The following ASAP2 variants were observed in gnomAD, a reference collection of about 807,000 sequenced individuals.
ASAP2 encodes the protein ArfGAP with SH3 domain, ankyrin repeat and PH domain 2.
In ASAP2, 45 loss-of-function variants were observed where a neutral mutation model predicts 131.4. The observed-to-expected ratio is 0.34, with a 90% confidence interval of 0.27 to 0.44. The LOEUF (loss-of-function observed/expected upper bound fraction) is 0.44. ASAP2 is among the 20% of genes least tolerant of loss of function. ASAP2 has a pLI of 1.00. For synonymous variants in ASAP2, 510 were observed against 503.0 expected, an observed-to-expected ratio of 1.01 and a Z score of -0.19; for missense variants, 1,011 against 1,297.0, an observed-to-expected ratio of 0.78 and a Z score of 3.39.
At chr2:9,313,663 G>T (rs1010392777) in intron 3 of ASAP2, among the ~76,000 whole-genome samples, 7 of 152,194 alleles carry the variant, frequency 4.6e-5, no homozygotes, top group African/African-American at 1.2e-4. Flanking sequence ...AGCCAGGCAG[G>T]GTTCAGGACC....
At chr2:9,251,929 CT>C (rs934904917) in intron 1 of ASAP2, among the ~76,000 whole-genome samples, 4 of 150,892 alleles carry the variant, frequency 2.7e-5, no homozygotes, top group Admixed American at 2.0e-4. Flanking sequence ...TTTTTTTTTT[CT>C]TTCCTTAATT....
At chr2:9,302,468 GC>G (rs763610857) in intron 3 of ASAP2, among the ~76,000 whole-genome samples, 1 of 151,120 alleles carries the variant, frequency 6.6e-6, no homozygotes, top group Non-Finnish European at 1.5e-5. Flanking sequence ...ACCATGCCTG[GC>G]CAACTTTTTT....
At chr2:9,219,255 G>A (rs1662256977) in intron 1 of ASAP2, among the ~76,000 whole-genome samples, 1 of 152,190 alleles carries the variant, frequency 6.6e-6, no homozygotes, top group Non-Finnish European at 1.5e-5. Context: ...ATTGGAAGAT[G>A]TGCTCTCTAG....
In ASAP2 at chr2:9,207,775, C is replaced by A. The variant is rs1439416660; in HGVS notation, c.126+545C>A. The stretch of plus-strand genomic sequence containing the variant: ...GCGGCCTGGCTGCGCTCCACCCGTG[C>A]CCGGAGAAGGAACTGCGGGCAAGGT... On this transcript the variant is annotated intron_variant, in intron 1 of 27. Transcript: ENST00000281419. This position sits in a 1 kb window ranked among gnomAD's most constrained non-coding sequence, Gnocchi z 4.1. Among the ~76,000 whole-genome samples the A allele has an allele frequency of 1.3e-5, 2 of 152,138 alleles. No homozygotes were observed. Among genetic ancestry groups the A allele is most frequent in the Non-Finnish European group, 2.9e-5 (2 of 68,012 alleles).
At chr2:9,312,980 A>T (rs1378322797) in intron 3 of ASAP2, among the ~76,000 whole-genome samples, 1 of 152,132 alleles carries the variant, frequency 6.6e-6, no homozygotes, top group Non-Finnish European at 1.5e-5. Context: ...AATCACTTGA[A>T]CCTGGGAGGT....
At chr2:9,317,612 C>T (rs1355511155) in intron 3 of ASAP2, among the ~76,000 whole-genome samples, 4 of 150,060 alleles carry the variant, frequency 2.7e-5, no homozygotes, top group Non-Finnish European at 5.9e-5. Flanking sequence ...GCACTCACAT[C>T]CACAATCACA....
intron 3 of ASAP2, among the ~76,000 whole-genome samples, chr2:9,303,456 G>A (rs1293712049): frequency 6.6e-6 from 1 of 152,222 alleles, no homozygotes; most frequent in Non-Finnish European, 1.5e-5. Context: ...AGACTTGGGT[G>A]CAAATTAGGA....
At chr2:9,302,138 T>C (rs1308326973) in intron 3 of ASAP2, among the ~76,000 whole-genome samples, 1 of 146,808 alleles carries the variant, frequency 6.8e-6, no homozygotes, top group Non-Finnish European at 1.5e-5. Context: ...TTTTTTTTTT[T>C]TCCCAAACAC....
intron 3 of ASAP2, among the ~76,000 whole-genome samples, chr2:9,313,203 T>C (rs1421269774): frequency 6.6e-6 from 1 of 152,226 alleles, no homozygotes; most frequent in Non-Finnish European, 1.5e-5. Context: ...GGTCTGCATG[T>C]CCGTGGAGTG....
At chr2:9,375,525 A>G (rs1447860134) in intron 17 of ASAP2, among the ~76,000 whole-genome samples, 1 of 152,248 alleles carries the variant, frequency 6.6e-6, no homozygotes, top group East Asian at 1.9e-4. Context: ...CCATTACCTC[A>G]CAGGCTCATC....
chr2:9,263,535 T>G (rs1232581785), intron 1 of ASAP2, among the ~76,000 whole-genome samples: 1 of 152,234 alleles, frequency 6.6e-6, no homozygotes, highest in African/African-American at 2.4e-5. Context: ...TTTGACAGAA[T>G]TGGAGTTTAC....
chr2:9,350,160 C>T (rs544620898), intron 11 of ASAP2, among the ~76,000 whole-genome samples: 1 of 152,166 alleles, frequency 6.6e-6, no homozygotes, highest in Non-Finnish European at 1.5e-5. Flanking sequence ...ATTTTTCATA[C>T]ACCTCTGATG....
intron 3 of ASAP2, among the ~76,000 whole-genome samples, chr2:9,317,727 T>G (rs1402925552): frequency 1.4e-5 from 2 of 144,098 alleles, no homozygotes; most frequent in Non-Finnish European, 1.5e-5. Context: ...CACAATCACA[T>G]TCACACTCAC....
At chr2:9,319,205 C>T (rs546376957) in intron 4 of ASAP2, among the ~76,000 whole-genome samples, 1 of 152,226 alleles carries the variant, frequency 6.6e-6, no homozygotes, top group Non-Finnish European at 1.5e-5. Context: ...TGCCAGGCAG[C>T]GCGCTGCCCC....
chr2:9,260,163 A>T (rs1665479948), intron 1 of ASAP2, among the ~76,000 whole-genome samples: 1 of 152,234 alleles, frequency 6.6e-6, no homozygotes, highest in Non-Finnish European at 1.5e-5. Flanking sequence ...TTGAGTAGCT[A>T]TTACTGCCCG....
intron 4 of ASAP2, 83 bp from the exon 5 acceptor site, chr2:9,320,205 A>G: frequency 8.8e-7 from 1 of 1,140,878 alleles, no homozygotes; most frequent in Admixed American, 2.0e-5. Flanking sequence ...TGCTCCTTTC[A>G]GGGCTAGTAC....
chr2:9,395,820 G>A (rs1307254229), intron 24 of ASAP2, among the ~76,000 whole-genome samples: 1 of 151,724 alleles, frequency 6.6e-6, no homozygotes, highest in Non-Finnish European at 1.5e-5. Flanking sequence ...GGTTAGCCAG[G>A]ATGGTCTCAA....
At chr2:9,245,797 A>G (rs1232340543) in intron 1 of ASAP2, among the ~76,000 whole-genome samples, 2 of 152,054 alleles carry the variant, frequency 1.3e-5, no homozygotes, top group Non-Finnish European at 2.9e-5. Context: ...AGTGTCATGG[A>G]TGCTCCTGGG....
In ASAP2 at chr2:9,344,624, G is replaced by C; in HGVS notation, c.942G>C (p.Lys314Asn). 6.2e-7 allele frequency: 1 copy of C among 1,614,176 alleles called. No individual in the cohort carries two copies. Among genetic ancestry groups the C allele is most frequent in the Non-Finnish European group, 8.5e-7 (1 of 1,180,004 alleles). ...CCGAGCGGAACGGCAGCCTCTACAA[G>C]AAGAGTGACGGGTACGTGAGGGGGT... ...HGTERNGSLY[K>N]KSDGIRKVWQ... Residue 314 changes from lysine (K) to asparagine (N), a missense_variant, in exon 10 of 28, where the codon AAG (lysine) becomes AAC (asparagine). This residue lies in a region of ASAP2 where 359 missense variants were observed against 598.1 expected (regional missense o/e 0.60). Transcript: ENST00000281419.
Sources: gnomAD v4.1 joint callset for allele counts (sites outside exome capture counted in the v4.1 genomes callset) on GRCh38, gnomAD v4.1.1 for gene constraint, gnomAD v4.1.1 regional missense constraint, Gnocchi (gnomAD v3.1) non-coding constraint, MANE v1.5 for transcripts, NCBI Gene and HGNC (gene_info 2026-07-23, HGNC 2026-07-21) for gene names.